TAF1: variants seen among roughly 807,000 people sequenced by gnomAD.
TAF1 encodes the protein transcription initiation factor TFIID subunit 1.
Under a neutral mutation model 138.5 loss-of-function variants are expected in TAF1, and 2 were observed. The ratio of observed to expected loss-of-function variants is 0.01; its 90% CI spans 0.01 to 0.05. The LOEUF (loss-of-function observed/expected upper bound fraction) is 0.05. TAF1 is among the 10% of genes least tolerant of loss of function. TAF1 has a pLI of 1.00. For missense variants in TAF1, 709 were observed against 1,478.0 expected (o/e 0.48, Z 8.53); for synonymous variants, 437 against 503.2 (o/e 0.87, Z 1.76).
At chrX:71,431,032 T>G (rs908283568) in intron 32 of TAF1, among the ~76,000 whole-genome samples, 15 of 92,288 alleles carry the variant, frequency 1.6e-4, no homozygotes, top group African/African-American at 6.0e-4. Flanking sequence ...TTTTTTTTTT[T>G]GAGACAGAAT....
exon 14 of TAF1, chrX:71,528,594 C>T (rs780902362): frequency 1.2e-5 from 4 of 329,561 alleles, no homozygotes; most frequent in African/African-American, 2.7e-5. Context: ...TCTGGAGCAA[C>T]GACCAGGTCC....
chrX:71,397,184 C>G (rs2034904360), intron 22 of TAF1, 69 bp from the exon 23 acceptor site: 2 of 1,096,545 alleles, frequency 1.8e-6, no homozygotes, highest in Non-Finnish European at 2.5e-6. Flanking sequence ...TAGCTCCACT[C>G]AATCCCAAGA....
At chrX:71,517,970 T>C (rs1344668613) in intron 13 of TAF1, among the ~76,000 whole-genome samples, 1 of 109,506 alleles carries the variant, frequency 9.1e-6, no homozygotes, top group Non-Finnish European at 1.9e-5. Flanking sequence ...TAAATAAAAA[T>C]TAAAAAATTA....
downstream of TAF1, chrX:71,466,089 G>GGGA (rs1277092885): frequency 8.9e-6 from 1 of 111,958 alleles, no homozygotes; most frequent in East Asian, 2.8e-4. Flanking sequence ...CATTGGGATG[G>GGGA]GGAGGAGGGG....
At chrX:71,368,304 C>T (rs2032723928) in intron 3 of TAF1, 134 bp downstream of exon 3, 1 of 590,421 alleles carries the variant, frequency 1.7e-6, no homozygotes, top group Admixed American at 3.7e-5. Context: ...CTCCTCCACT[C>T]CCTTTGTCAG....
chrX:71,374,430 G>T (rs931697586), intron 3 of TAF1, among the ~76,000 whole-genome samples: 1 of 111,592 alleles, frequency 9.0e-6, no homozygotes, highest in African/African-American at 3.3e-5. Context: ...GCACCGTGAT[G>T]TCATCTCTTT....
At chrX:71,528,840 G>C in intron 14 of TAF1, 1 of 253,223 alleles carries the variant, frequency 3.9e-6, no homozygotes, top group East Asian at 1.1e-4. Context: ...ACCCAAGCAG[G>C]TTGCCAGTGG....
chrX:71,452,240 C>T (rs1295743769), intron 32 of TAF1, among the ~76,000 whole-genome samples: 13 of 109,188 alleles, frequency 1.2e-4, no homozygotes, highest in Admixed American at 3.8e-4. Context: ...GGCTGCCGGG[C>T]GGAGGGGCTC....
intron 32 of TAF1, among the ~76,000 whole-genome samples, chrX:71,445,412 G>A (rs1425207224): frequency 1.8e-5 from 2 of 109,929 alleles, no homozygotes; most frequent in Admixed American, 9.7e-5. Context: ...ATGATCCGTT[G>A]TTAATTACTT....
intron 32 of TAF1, among the ~76,000 whole-genome samples, chrX:71,428,613 A>G (rs927773179): frequency 2.7e-5 from 3 of 112,138 alleles, no homozygotes; most frequent in Non-Finnish European, 5.6e-5. Flanking sequence ...CTAATCAGAG[A>G]TGTAGTTAAA....
chrX:71,422,736 T>A (rs1602623200), intron 29 of TAF1, among the ~76,000 whole-genome samples: 1 of 110,920 alleles, frequency 9.0e-6, no homozygotes, highest in Admixed American at 9.6e-5. Context: ...TTAATTTATT[T>A]TTTATTTATT....
intron 13 of TAF1, among the ~76,000 whole-genome samples, chrX:71,517,870 G>A (rs192781333): frequency 9.3e-5 from 10 of 107,478 alleles, no homozygotes; most frequent in East Asian, 3.1e-4. Flanking sequence ...TAATCATATC[G>A]CATTACAGCT....
At chrX:71,496,532 TC>T (rs1411224983) in intron 13 of TAF1, among the ~76,000 whole-genome samples, 3 of 111,283 alleles carry the variant, frequency 2.7e-5, no homozygotes, top group Non-Finnish European at 5.7e-5. Context: ...TTTGACTCTT[TC>T]TTTGTCTCTG....
rs1487360359 is a variant in TAF1 at position 71,392,574 on chromosome X, C to T, written c.2787C>T (p.Arg929=). ...DFQMKIDDEV[R]TAPWNTTRAF... ...AATCTTTTTCTTTATCTCAGGTTCG[C>T]ACTGCCCCTTGGAACACCACAAGGG... The change falls in exon 19 of 38, where the codon CGC becomes CGT. Residue 929 remains arginine (R), a synonymous_variant. Coordinates refer to ENST00000423759, the MANE Select transcript of TAF1 (RefSeq NM_004606.5). The T allele has an allele frequency of 8.5e-7, 1 of 1,170,744 alleles. No homozygotes were observed. Among genetic ancestry groups the T allele is most frequent in the South Asian group, 2.0e-5 (1 of 50,085 alleles).
rs150736592 is a variant in TAF1, at chrX:71,379,020, A to T, written c.1349A>T (p.Asn450Ile). ...SSMTRNAMAY[N>I]VQQGFAATLD... is the part of the protein sequence containing the mutation. Reference sequence around the variant, plus strand: ...ATGACTAGGAATGCGATGGCTTACAATGTTCAGCAAGGTGTGCTTCTGTGC... The same window carrying T: ...ATGACTAGGAATGCGATGGCTTACATTGTTCAGCAAGGTGTGCTTCTGTGC... Residue 450 changes from asparagine (N) to isoleucine (I), a missense_variant, in exon 8 of 38, where the codon AAT becomes ATT. This residue lies in a region of TAF1 where 201 missense variants were observed against 421.3 expected (regional missense o/e 0.48). Transcript: ENST00000423759. The T allele has an allele frequency of 1.7e-6, 2 of 1,205,688 alleles. No individual in the cohort carries two copies. Among genetic ancestry groups the T allele is most frequent in the Admixed American group, 2.2e-5 (1 of 45,262 alleles).
intron 25 of TAF1, among the ~76,000 whole-genome samples, chrX:71,403,846 A>T (rs1299217896): frequency 9.2e-6 from 1 of 108,901 alleles, no homozygotes; most frequent in African/African-American, 3.3e-5. Flanking sequence ...TAACATAATT[A>T]ATTTTGATGC....
chrX:71,379,082 C>T (rs2033679723), intron 8 of TAF1, 51 bp downstream of exon 8: 2 of 971,272 alleles, frequency 2.1e-6, no homozygotes, highest in African/African-American at 2.2e-5. Context: ...TAATCTTAGT[C>T]ACCATAAGTG....
In TAF1 at chrX:71,366,401, T is replaced by G. The variant is rs2032476146; in HGVS notation, c.27T>G (p.Asp9Glu). The G allele has an allele frequency of 8.3e-7, 1 of 1,210,657 alleles. No homozygotes were observed. The highest frequency in any genetic ancestry group is 1.1e-6 in the Non-Finnish European group (1 of 895,318). The change falls in exon 1 of 38, where the codon GAT becomes GAG. Residue 9 changes from aspartate (D) to glutamate (E), a missense_variant. By Grantham distance (45) the Asp-to-Glu change is conservative. Transcript: ENST00000423759. Reference sequence around the variant, plus strand: ...TGTCAGACACGGACAGCGACGAAGATTCCGCTGGAGGCGGCCCATTTTCTT... The same window carrying G: ...TGTCAGACACGGACAGCGACGAAGAGTCCGCTGGAGGCGGCCCATTTTCTT... MSDTDSDEDSAGGGPFSLA... is the reference protein window; with the variant it reads MSDTDSDEESAGGGPFSLA...
rs1189459686 is a variant in TAF1 at position 71,471,346 on chromosome X, TACAC to T, written c.1366+10567_1366+10570del. Among the ~76,000 whole-genome samples the T allele has an allele frequency of 1.1e-4, 11 of 95,654 alleles. 1 individual carries two copies. The highest frequency in any genetic ancestry group is 5.3e-3 in the Middle Eastern group (1 of 189). 83.1% of individuals were successfully genotyped at this position (95,654 alleles called of 115,157 possible). A position where few individuals can be genotyped will look rare whatever the true frequency, so the allele number is the denominator to read the frequency against. On this transcript the variant is annotated intron_variant and NMD_transcript_variant, in intron 13 of 14. Coordinates refer to the TAF1 transcript ENST00000373775. ...AAAAAAAAAAAAATATATATATATA[TACAC>T]ACACACACACACACACACACACATG...
Sources: gnomAD v4.1 joint callset for allele counts (sites outside exome capture counted in the v4.1 genomes callset) on GRCh38, gnomAD v4.1.1 for gene constraint, gnomAD v4.1.1 regional missense constraint, MANE v1.5 for transcripts, NCBI Gene and HGNC (gene_info 2026-07-23, HGNC 2026-07-21) for gene names.